The following IQSEC1 variants were observed in gnomAD, a reference collection of about 807,000 sequenced individuals.
IQSEC1 encodes the protein IQ motif and Sec7 domain ArfGEF 1.
IQSEC1 carries 31 observed loss-of-function variants against 91.0 expected under a neutral mutation model. The ratio of observed to expected loss-of-function variants is 0.34; its 90% confidence interval spans 0.26 to 0.46. The LOEUF is 0.46. Ranked by LOEUF, IQSEC1 falls within the 20% of genes least tolerant of loss-of-function variation. IQSEC1 has a pLI of 1.00. For missense variants in IQSEC1, 1,388 were observed against 1,575.6 expected (o/e 0.88, Z 2.02); for synonymous variants, 699 against 662.6 (o/e 1.05, Z -0.84).
At chr3:13,199,697 G>C (rs1161195984) in intron 1 of IQSEC1, among the ~76,000 whole-genome samples, 1 of 152,130 alleles carries the variant, frequency 6.6e-6, no homozygotes, top group African/African-American at 2.4e-5. Flanking sequence ...GAGGCCCTTA[G>C]GAACCTGCTC....
At chr3:13,222,535 C>T (rs1459804590) in intron 1 of IQSEC1, among the ~76,000 whole-genome samples, 1 of 152,174 alleles carries the variant, frequency 6.6e-6, no homozygotes, top group African/African-American at 2.4e-5. Context: ...TTAACTCCTT[C>T]GGGAACCACC....
intron 2 of IQSEC1, among the ~76,000 whole-genome samples, chr3:13,133,449 TGA>T (rs778813078): frequency 1.3e-5 from 2 of 152,142 alleles, no homozygotes; most frequent in Admixed American, 6.5e-5. Context: ...TTGCTGGGGG[TGA>T]GTTTCCACGG....
Position 12,909,692 on chromosome 3 carries a change from G to A in IQSEC1, c.2417-258C>T, listed in dbSNP as rs149633739. Among the ~76,000 whole-genome samples the A allele has an allele frequency of 1.9e-4, 29 of 152,358 alleles. 1 individual carries two copies. In the East Asian group the frequency reaches 5.4e-3, roughly 28 times the overall value. ...GCTCAGGGGAGGCTGCTGGGGCCGC[G>A]TCCTGGAGGAGGACAGAGGTTGCGT... is the stretch of plus-strand genomic sequence containing the variant. On this transcript the variant is annotated intron_variant, in intron 10 of 13. Coordinates refer to ENST00000613206, the MANE Select transcript of IQSEC1 (RefSeq NM_001134382.3). The surrounding 1 kb of genome is among the most constrained non-coding windows in gnomAD (Gnocchi z 4.9).
chr3:12,947,175 C>T (rs1432715580), intron 1 of IQSEC1, among the ~76,000 whole-genome samples: 11 of 152,208 alleles, frequency 7.2e-5, no homozygotes. Flanking sequence ...GGCTGACAAG[C>T]CGAGGCTAGA....
chr3:13,218,659 G>A (rs1167272713), intron 1 of IQSEC1, among the ~76,000 whole-genome samples: 1 of 152,248 alleles, frequency 6.6e-6, no homozygotes, highest in African/African-American at 2.4e-5. Context: ...TCATGCACAG[G>A]TGGAGGTGAG....
Position 12,900,837 on chromosome 3 carries a change from C to G in IQSEC1, c.*146G>C, listed in dbSNP as rs746865398. Reference sequence around the variant, plus strand: ...CCACACAACACCAGCCCTGTGGGCTCCTGGGGCTCCGGTTGGGCCGTGAGG... The same window carrying G: ...CCACACAACACCAGCCCTGTGGGCTGCTGGGGCTCCGGTTGGGCCGTGAGG... On this transcript the variant is annotated 3_prime_UTR_variant, in exon 14 of 14. Transcript: ENST00000613206. 6.6e-7 allele frequency: 1 copy of G among 1,515,608 alleles called. No homozygotes were observed. The highest frequency in any genetic ancestry group is 1.4e-5 in the African/African-American group (1 of 72,412). The allele number at this position is 1,515,608 out of a possible 1,614,324, so 93.9% of individuals were successfully genotyped here.
At chr3:13,267,663 G>C (rs1244277272) in intron 1 of IQSEC1, among the ~76,000 whole-genome samples, 1 of 148,994 alleles carries the variant, frequency 6.7e-6, no homozygotes, top group East Asian at 2.0e-4. Flanking sequence ...TGTCGCCCAG[G>C]CTGGAGTGCA....
chr3:13,135,918 A>G (rs1408713003), intron 2 of IQSEC1, among the ~76,000 whole-genome samples: 1 of 152,190 alleles, frequency 6.6e-6, no homozygotes, highest in Non-Finnish European at 1.5e-5. Flanking sequence ...CATCGTGGAC[A>G]TGAGAGGAGA....
chr3:13,014,669 G>A (rs1049062665), intron 1 of IQSEC1, among the ~76,000 whole-genome samples: 20 of 152,242 alleles, frequency 1.3e-4, no homozygotes, highest in Admixed American at 9.8e-4. Flanking sequence ...GGCTGGGTCG[G>A]TAAAAGCTTC....
At chr3:13,033,535 A>G (rs1427414505) in intron 1 of IQSEC1, among the ~76,000 whole-genome samples, 5 of 152,104 alleles carry the variant, frequency 3.3e-5, no homozygotes, top group Non-Finnish European at 2.9e-5. Context: ...ATATATATAC[A>G]TATATTTTTT....
intron 1 of IQSEC1, among the ~76,000 whole-genome samples, chr3:13,237,668 C>T (rs1430835335): frequency 2.0e-5 from 3 of 152,244 alleles, no homozygotes; most frequent in African/African-American, 7.2e-5. Context: ...CCACAAGCAG[C>T]CCTGCCCTTG....
rs1016032930 is a variant in IQSEC1, at chr3:12,946,281, T to C, written c.24-4416A>G. On this transcript the variant is annotated intron_variant, in intron 1 of 13. Transcript: ENST00000613206. ...ATGCTTCTCCCAAAAACCCAGCCCA[T>C]TGAACAGGACTGGTGAACACACCAG... Among the ~76,000 whole-genome samples the C allele has an allele frequency of 2.0e-5, 3 of 152,198 alleles. No individual in the cohort carries two copies. In the East Asian group the frequency reaches 5.8e-4, roughly 29 times the overall value.
At chr3:13,043,681 C>T (rs1393244461) in intron 1 of IQSEC1, among the ~76,000 whole-genome samples, 2 of 152,240 alleles carry the variant, frequency 1.3e-5, no homozygotes, top group Non-Finnish European at 2.9e-5. Context: ...GACTCCAGGG[C>T]AGGGGCCACA....
intron 2 of IQSEC1, among the ~76,000 whole-genome samples, chr3:13,078,518 G>C (rs1272492548): frequency 6.6e-6 from 1 of 152,014 alleles, no homozygotes; most frequent in Admixed American, 6.6e-5. Flanking sequence ...GGAAGGCCAG[G>C]AGCCTCCTCT....
At chr3:13,273,070 T>A (rs145152424) in intron 1 of IQSEC1, among the ~76,000 whole-genome samples, 1 of 152,138 alleles carries the variant, frequency 6.6e-6, no homozygotes, top group African/African-American at 2.4e-5. Flanking sequence ...TTGCCACTCC[T>A]CTAGCAGGGA....
chr3:13,114,191 C>T (rs1038208973), intron 2 of IQSEC1, among the ~76,000 whole-genome samples: 4 of 152,174 alleles, frequency 2.6e-5, no homozygotes, highest in African/African-American at 9.7e-5. Context: ...GGAGAACCCA[C>T]GCATGTGCTG....
At chr3:13,186,269 G>A (rs529903273) in intron 1 of IQSEC1, among the ~76,000 whole-genome samples, 1 of 152,314 alleles carries the variant, frequency 6.6e-6, no homozygotes, top group South Asian at 2.1e-4. Flanking sequence ...GCCTGCCTCT[G>A]GGTGGAAGCT....
chr3:13,239,803 A>C (rs144076824), intron 1 of IQSEC1, among the ~76,000 whole-genome samples: 7 of 152,260 alleles, frequency 4.6e-5, no homozygotes, highest in African/African-American at 1.7e-4. Flanking sequence ...CTGCAGGACC[A>C]CGTTGCGAAG....
rs1702045872 is a variant in IQSEC1, at chr3:12,992,758, A to G, written c.24-50893T>C. Among the ~76,000 whole-genome samples the G allele has an allele frequency of 6.9e-6, 1 of 145,652 alleles. No individual in the cohort carries two copies. On this transcript the variant is annotated intron_variant, in intron 1 of 13. Transcript: ENST00000613206. The surrounding 1 kb of genome is among the most constrained non-coding windows in gnomAD (Gnocchi z 4.1). ...TGAGCCTCATCTCCTGGACAAGGCCAGGGGGAGGGGACACCCACTGTCACC... is the reference window on the plus strand; with the variant it reads ...TGAGCCTCATCTCCTGGACAAGGCCGGGGGGAGGGGACACCCACTGTCACC...
Sources: allele counts gnomAD v4.1 joint callset (sites outside exome capture counted in the v4.1 genomes callset), GRCh38; gene constraint gnomAD v4.1.1; non-coding constraint Gnocchi (gnomAD v3.1); transcripts MANE v1.5; gene names NCBI Gene and HGNC (gene_info 2026-07-23, HGNC 2026-07-21).